Variants in CACNA2D1 observed in about 807,000 individuals in gnomAD.
CACNA2D1 encodes voltage-dependent calcium channel subunit alpha-2/delta-1.
CACNA2D1 carries 53 observed loss-of-function variants against 171.5 expected under a neutral mutation model. The ratio of observed to expected loss-of-function variants is 0.31; its 90% CI spans 0.25 to 0.39. The LOEUF (loss-of-function observed/expected upper bound fraction) is 0.39. Ranked by LOEUF, CACNA2D1 falls within the 10% of genes least tolerant of loss-of-function variation. The probability of loss-of-function intolerance (pLI) is 1.00; values close to 1 mark genes in which losing one functional copy is unlikely to be tolerated. For synonymous variants in CACNA2D1, 442 were observed against 443.1 expected (o/e 1.00, Z 0.03); for missense variants, 903 against 1,299.8 (o/e 0.69, Z 4.69).
intron 1 of CACNA2D1, among the ~76,000 whole-genome samples, chr7:82,376,390 G>A (rs1282357768): frequency 6.6e-6 from 1 of 152,130 alleles, no homozygotes. Context: ...TATTGTCCTT[G>A]CTTTACTTCC....
intron 3 of CACNA2D1, among the ~76,000 whole-genome samples, chr7:82,276,027 C>T (rs1023641305): frequency 1.3e-5 from 2 of 152,096 alleles, no homozygotes; most frequent in South Asian, 2.1e-4. Flanking sequence ...ACAGGCAAAC[C>T]GGTAGGCAGG....
chr7:82,350,306 A>G (rs1312857408), intron 1 of CACNA2D1, among the ~76,000 whole-genome samples: 1 of 152,204 alleles, frequency 6.6e-6, no homozygotes, highest in Admixed American at 6.5e-5. Context: ...AATTTAAGAT[A>G]TCATCAGCTT....
intron 3 of CACNA2D1, among the ~76,000 whole-genome samples, chr7:82,217,323 T>C (rs796291766): frequency 4.4e-5 from 6 of 136,432 alleles, no homozygotes; most frequent in East Asian, 2.2e-4. Context: ...TCGTGTTACA[T>C]TGATGTCTGT....
At chr7:82,305,136 T>C (rs979939385) in intron 3 of CACNA2D1, among the ~76,000 whole-genome samples, 2 of 152,288 alleles carry the variant, frequency 1.3e-5, no homozygotes, top group South Asian at 4.1e-4. Context: ...AACTTCTCTC[T>C]AAAATGATAA....
At chr7:82,083,495 T>C (rs1028438258) in intron 7 of CACNA2D1, among the ~76,000 whole-genome samples, 6 of 151,964 alleles carry the variant, frequency 3.9e-5, no homozygotes, top group African/African-American at 1.4e-4. Flanking sequence ...AACATGTTAA[T>C]AAACTAACAA....
intron 7 of CACNA2D1, among the ~76,000 whole-genome samples, chr7:82,082,984 C>T (rs1248400116): frequency 1.3e-5 from 2 of 151,906 alleles, no homozygotes; most frequent in Non-Finnish European, 2.9e-5. Context: ...TCTTTCCATC[C>T]ATCTCTTGAT....
At chr7:82,166,411 A>G (rs192743407) in intron 4 of CACNA2D1, among the ~76,000 whole-genome samples, 44 of 152,178 alleles carry the variant, frequency 2.9e-4, no homozygotes, top group Non-Finnish European at 5.2e-4. Flanking sequence ...GCTGGTGCTA[A>G]TAAGCCATAC....
At chr7:82,378,839 G>A (rs189673380) in intron 1 of CACNA2D1, among the ~76,000 whole-genome samples, 316 of 152,104 alleles carry the variant, frequency 2.1e-3, no homozygotes, top group African/African-American at 7.0e-3. Context: ...TTGTCAGGAT[G>A]GCAATTTCAT....
intron 3 of CACNA2D1, among the ~76,000 whole-genome samples, chr7:82,274,446 T>G (rs1809053323): frequency 6.6e-6 from 1 of 152,180 alleles, no homozygotes; most frequent in Non-Finnish European, 1.5e-5. Context: ...ATAGCAAAAA[T>G]TCATGAAACG....
chr7:82,306,195 A>T (rs1020161193), intron 3 of CACNA2D1, among the ~76,000 whole-genome samples: 1 of 152,070 alleles, frequency 6.6e-6, no homozygotes, highest in Non-Finnish European at 1.5e-5. Context: ...CTTGTCATCA[A>T]ATGGAATCAC....
chr7:82,001,795 CA>C, intron 18 of CACNA2D1: 1 of 428,120 alleles, frequency 2.3e-6, no homozygotes, highest in Non-Finnish European at 4.1e-6. Context: ...CAATTTTCGT[CA>C]GATATTTCCT....
intron 8 of CACNA2D1, among the ~76,000 whole-genome samples, chr7:82,065,882 CAATT>C (rs1174469897): frequency 6.6e-6 from 1 of 151,994 alleles, no homozygotes; most frequent in Non-Finnish European, 1.5e-5. Context: ...CAAATAAATA[CAATT>C]AATAGTTTTA....
intron 1 of CACNA2D1, among the ~76,000 whole-genome samples, chr7:82,434,814 C>T (rs1269150042): frequency 1.3e-5 from 2 of 152,140 alleles, no homozygotes; most frequent in African/African-American, 4.8e-5. Flanking sequence ...GCTACTTAGA[C>T]TTCTTTCTTT....
At chr7:82,017,519 A>T (rs1169404894) in intron 12 of CACNA2D1, among the ~76,000 whole-genome samples, 1 of 152,090 alleles carries the variant, frequency 6.6e-6, no homozygotes. Context: ...CCTATTCCAT[A>T]CTATGCTACT....
Position 82,038,255 on chromosome 7 carries a change from A to C in CACNA2D1, c.880-20T>G. 1 of 1,596,020 alleles carries C rather than the reference A, an allele frequency of 6.3e-7. No homozygotes were observed. Among genetic ancestry groups the C allele is most frequent in the Non-Finnish European group, 8.6e-7 (1 of 1,165,868 alleles). On this transcript the variant is annotated intron_variant, in intron 10 of 38. Transcript: ENST00000356860. Reference sequence around the variant, plus strand: ...GTTAAACTGCAAAAGATTAAAAAGTAAATATATAAATGAACATTAAAATCA... The same window carrying C: ...GTTAAACTGCAAAAGATTAAAAAGTCAATATATAAATGAACATTAAAATCA...
At chr7:82,206,621 C>T (rs1800026179) in intron 3 of CACNA2D1, among the ~76,000 whole-genome samples, 1 of 152,054 alleles carries the variant, frequency 6.6e-6, no homozygotes, top group East Asian at 1.9e-4. Context: ...TCCAGCAATG[C>T]CTGAGGCTTA....
At chr7:82,105,906 A>C (rs990742394) in intron 6 of CACNA2D1, among the ~76,000 whole-genome samples, 7 of 152,194 alleles carry the variant, frequency 4.6e-5, no homozygotes, top group African/African-American at 1.7e-4. Context: ...CCTTTTTAGA[A>C]GACTGAAACA....
intron 3 of CACNA2D1, among the ~76,000 whole-genome samples, chr7:82,302,828 C>G (rs150680205): frequency 8.9e-4 from 136 of 152,162 alleles, no homozygotes; most frequent in Middle Eastern, 3.4e-3. Context: ...CAAATATAAG[C>G]TAAATATAAT....
At chr7:82,116,582 C>T (rs936084153) in intron 6 of CACNA2D1, among the ~76,000 whole-genome samples, 13 of 151,854 alleles carry the variant, frequency 8.6e-5, no homozygotes, top group African/African-American at 3.1e-4. Flanking sequence ...AAACACAGAC[C>T]GGGAGGGAAA....
Sources: gnomAD v4.1 joint callset for allele counts (sites outside exome capture counted in the v4.1 genomes callset) on GRCh38, gnomAD v4.1.1 for gene constraint, MANE v1.5 for transcripts, NCBI Gene and HGNC (gene_info 2026-07-23, HGNC 2026-07-21) for gene names.